LDLRAD3: variants seen among roughly 807,000 people sequenced by gnomAD.
LDLRAD3 encodes low density lipoprotein receptor class A domain containing 3.
LDLRAD3 carries 20 observed loss-of-function variants against 29.4 expected under a neutral mutation model. The observed-to-expected ratio is 0.68, with a 90% CI of 0.48 to 0.99. The LOEUF is 0.99. Ranked by LOEUF, LDLRAD3 falls within the 50% of genes least tolerant of loss-of-function variation. LDLRAD3 has a pLI of 0.00. For synonymous variants in LDLRAD3, 157 were observed against 192.7 expected (o/e 0.81, Z 1.53); for missense variants, 420 against 454.3 (o/e 0.92, Z 0.69).
rs192026061 is a variant in LDLRAD3, at chr11:36,212,488, C to G, written c.455-14597C>G. Among the ~76,000 whole-genome samples, 90 of 151,760 alleles carry G rather than the reference C, an allele frequency of 5.9e-4. No homozygotes were observed. The East Asian group carries it at 0.015, about 25-fold the overall frequency. Reference sequence around the variant, plus strand: ...CCTCTCACTGAGTTTTAGTGGCAATCTGAATTCCTACTTAAAAAATGCCAT... The same window carrying G: ...CCTCTCACTGAGTTTTAGTGGCAATGTGAATTCCTACTTAAAAAATGCCAT... On this transcript the variant is annotated intron_variant, in intron 4 of 5. Transcript: ENST00000315571.
intron 4 of LDLRAD3, among the ~76,000 whole-genome samples, chr11:36,173,731 T>A (rs2133350703): frequency 6.6e-6 from 1 of 152,320 alleles, no homozygotes; most frequent in East Asian, 1.9e-4. Flanking sequence ...CAAATGGTAT[T>A]TCTGGTTCTA....
intron 1 of LDLRAD3, among the ~76,000 whole-genome samples, chr11:36,030,278 T>C (rs1348531639): frequency 2.0e-5 from 3 of 152,178 alleles, no homozygotes; most frequent in Non-Finnish European, 4.4e-5. Context: ...GGGAACCGAA[T>C]GGGAAGTGCA....
At chr11:36,093,054 A>G (rs1425034199) in intron 3 of LDLRAD3, among the ~76,000 whole-genome samples, 1 of 152,226 alleles carries the variant, frequency 6.6e-6, no homozygotes, top group South Asian at 2.1e-4. Flanking sequence ...CTCCTGAGCA[A>G]CTATGCCCCT....
chr11:36,066,974 T>C (rs920675991), intron 2 of LDLRAD3, among the ~76,000 whole-genome samples: 2 of 152,228 alleles, frequency 1.3e-5, no homozygotes, highest in Non-Finnish European at 2.9e-5. Flanking sequence ...TCCTGCCGCA[T>C]AGCCCATGTC....
At chr11:36,220,971 G>A (rs1855418257) in intron 4 of LDLRAD3, among the ~76,000 whole-genome samples, 1 of 152,088 alleles carries the variant, frequency 6.6e-6, no homozygotes, top group Middle Eastern at 3.2e-3. Context: ...TAAAAAAATT[G>A]CAAGGTAGGA....
chr11:36,140,440 A>C (rs1854064721), intron 4 of LDLRAD3, among the ~76,000 whole-genome samples: 1 of 152,168 alleles, frequency 6.6e-6, no homozygotes, highest in Non-Finnish European at 1.5e-5. Flanking sequence ...GCAGCACATC[A>C]ATTTTTGAGA....
chr11:36,227,434 T>A lies in LDLRAD3; in HGVS notation c.800+4T>A. The A allele has an allele frequency of 1.3e-6, 2 of 1,548,338 alleles. No individual in the cohort carries two copies. The highest frequency in any genetic ancestry group is 1.7e-6 in the Non-Finnish European group (2 of 1,147,912). ...CCGAGGCCTTGCTGGACCAGAGGTG[T>A]GTGCTGGATGGAAGAGATTGAGGCG... On this transcript the variant is annotated splice_donor_region_variant and intron_variant, in intron 5 of 5. Coordinates refer to ENST00000315571, the MANE Select transcript of LDLRAD3 (RefSeq NM_174902.4).
intron 4 of LDLRAD3, among the ~76,000 whole-genome samples, chr11:36,190,998 G>C (rs4756295): frequency 0.87 from 132,644 of 152,200 alleles, 57,898 homozygotes; most frequent in East Asian, 0.97. Flanking sequence ...TAAAAAGTTA[G>C]TCTCATACAG....
chr11:36,054,113 A>T (rs1379491854), intron 2 of LDLRAD3, among the ~76,000 whole-genome samples: 2 of 152,232 alleles, frequency 1.3e-5, no homozygotes, highest in African/African-American at 4.8e-5. Context: ...TTAATATCCC[A>T]GGTTGTGTGC....
chr11:36,227,319 A>C lies in LDLRAD3; in HGVS notation c.689A>C (p.Asn230Thr). The change falls in exon 5 of 6, where the codon AAC (asparagine) becomes ACC (threonine). Residue 230 changes from asparagine (N) to threonine (T), a missense_variant. Physicochemically the swap from Asn to Thr is moderately conservative, Grantham distance 65. Transcript: ENST00000315571. ...LVVLDHPHHC[N>T]VTYNVNNGIQ... ...GTCCTGGACCACCCCCACCACTGCA[A>C]CGTCACCTACAACGTCAATAATGGC... 6.2e-7 allele frequency: 1 copy of C among 1,614,182 alleles called. No individual in the cohort carries two copies. The highest frequency in any genetic ancestry group is 8.5e-7 in the Non-Finnish European group (1 of 1,180,016).
chr11:36,044,147 C>T (rs530728256), intron 2 of LDLRAD3, among the ~76,000 whole-genome samples: 15 of 152,252 alleles, frequency 9.9e-5, no homozygotes, highest in African/African-American at 3.1e-4. Flanking sequence ...CATTTATGAC[C>T]TGTGCAGCCC....
chr11:35,956,293 C>A (rs549264248), intron 1 of LDLRAD3, among the ~76,000 whole-genome samples: 1 of 152,284 alleles, frequency 6.6e-6, no homozygotes, highest in African/African-American at 2.4e-5. Flanking sequence ...GGAGACCAGC[C>A]TGTGCAACAT....
At chr11:36,103,704 GA>G (rs1171191970) in intron 4 of LDLRAD3, among the ~76,000 whole-genome samples, 1 of 152,220 alleles carries the variant, frequency 6.6e-6, no homozygotes, top group Non-Finnish European at 1.5e-5. Context: ...TACTGAAGCA[GA>G]TTTTTGTTTG....
At chr11:36,073,048 G>A (rs1476666884) in intron 2 of LDLRAD3, among the ~76,000 whole-genome samples, 1 of 152,214 alleles carries the variant, frequency 6.6e-6, no homozygotes, top group Non-Finnish European at 1.5e-5. Context: ...TGCTAAGGCA[G>A]CTGTTTATTT....
At chr11:36,150,754 C>A (rs994512946) in intron 4 of LDLRAD3, among the ~76,000 whole-genome samples, 10 of 149,528 alleles carry the variant, frequency 6.7e-5, no homozygotes, top group African/African-American at 2.5e-4. Flanking sequence ...GACTCTGTTT[C>A]AAAAAAATAA....
At chr11:35,993,566 G>C (rs2133169646) in intron 1 of LDLRAD3, among the ~76,000 whole-genome samples, 1 of 151,636 alleles carries the variant, frequency 6.6e-6, no homozygotes, top group African/African-American at 2.4e-5. Context: ...AGACATACAA[G>C]TCATTAGGGA....
chr11:36,204,069 G>A (rs891771696), intron 4 of LDLRAD3, among the ~76,000 whole-genome samples: 1 of 151,930 alleles, frequency 6.6e-6, no homozygotes, highest in Non-Finnish European at 1.5e-5. Context: ...TAGCTGACCC[G>A]GGGAGAACCT....
chr11:35,960,799 G>A (rs534778330), intron 1 of LDLRAD3, among the ~76,000 whole-genome samples: 1 of 152,318 alleles, frequency 6.6e-6, no homozygotes, highest in East Asian at 1.9e-4. Context: ...GTCTCACCAT[G>A]TTGGCCAGGC....
At chr11:35,982,244 G>T (rs895156137) in intron 1 of LDLRAD3, among the ~76,000 whole-genome samples, 3 of 152,070 alleles carry the variant, frequency 2.0e-5, no homozygotes, top group African/African-American at 7.2e-5. Flanking sequence ...CTAGCTCCCC[G>T]TGGCTTTCTG....
Sources: allele counts gnomAD v4.1 joint callset (sites outside exome capture counted in the v4.1 genomes callset), GRCh38; gene constraint gnomAD v4.1.1; transcripts MANE v1.5; gene names NCBI Gene and HGNC (gene_info 2026-07-23, HGNC 2026-07-21).